FAM107B: variants seen among roughly 807,000 people sequenced by gnomAD.
FAM107B encodes protein FAM107B.
FAM107B carries 21 observed loss-of-function variants against 31.5 expected under a neutral mutation model. The ratio of observed to expected loss-of-function variants is 0.67; its 90% CI spans 0.47 to 0.96. The LOEUF is 0.96. Ranked by LOEUF, FAM107B falls within the 40% of genes least tolerant of loss-of-function variation. The pLI is 0.00. For synonymous variants in FAM107B, 157 were observed against 141.5 expected, an observed-to-expected ratio of 1.11 and a Z score of -0.78; for missense variants, 452 against 377.1, an observed-to-expected ratio of 1.20 and a Z score of -1.64.
chr10:14,604,120 C>CCCCCCCCCCGCCCCCCCCCCCCCCCG, intron 2 of FAM107B: 3 of 502,666 alleles, frequency 6.0e-6, no homozygotes, highest in Non-Finnish European at 7.6e-6. Flanking sequence ...GGGGACCCCC[C>CCCCCCCCCCGCCCCCCCCCCCCCCCG]ACCCGCCCGG....
intron 2 of FAM107B, among the ~76,000 whole-genome samples, chr10:14,564,983 T>G (rs1850542194): frequency 6.6e-6 from 1 of 152,152 alleles, no homozygotes; most frequent in Admixed American, 6.5e-5. Context: ...TACTTGGAAG[T>G]CTGAGGCAGG....
At chr10:14,768,829 C>T (rs1242997202) in intron 1 of FAM107B, among the ~76,000 whole-genome samples, 2 of 152,198 alleles carry the variant, frequency 1.3e-5, no homozygotes, top group Admixed American at 1.3e-4. Context: ...CATTAGTGCT[C>T]AAAGCTTACA....
At chr10:14,606,711 C>G (rs966332780) in intron 2 of FAM107B, among the ~76,000 whole-genome samples, 4 of 152,118 alleles carry the variant, frequency 2.6e-5, no homozygotes, top group African/African-American at 9.7e-5. Flanking sequence ...CTCCCTCCTT[C>G]CCCTCTGTCC....
chr10:14,684,327 C>G (rs1854921173), intron 1 of FAM107B, among the ~76,000 whole-genome samples: 1 of 152,168 alleles, frequency 6.6e-6, no homozygotes, highest in African/African-American at 2.4e-5. Context: ...TGGTGCACAC[C>G]TGTAGTCCCA....
intron 1 of FAM107B, among the ~76,000 whole-genome samples, chr10:14,756,561 G>A (rs1832934809): frequency 6.6e-6 from 1 of 152,228 alleles, no homozygotes; most frequent in Non-Finnish European, 1.5e-5. Context: ...ATCCACTGAT[G>A]GTGGGTGTGT....
In FAM107B at chr10:14,607,594, C is replaced by A. The variant is rs535915110; in HGVS notation, c.469+60040G>T. On this transcript the variant is annotated intron_variant, in intron 2 of 4. Transcript: ENST00000181796. ...AGGGTTATAACAGGCAACACCAGAC[C>A]CTCAGCCCGAGTCTGATATACTGTA... Among the ~76,000 whole-genome samples, 9 of 152,218 alleles carry A rather than the reference C, an allele frequency of 5.9e-5. No individual in the cohort carries two copies. The South Asian group carries it at 1.7e-3, about 28-fold the overall frequency.
At chr10:14,530,665 G>A (rs182758238) in intron 2 of FAM107B, 150 bp from the exon 3 acceptor site, 62 of 691,974 alleles carry the variant, frequency 9.0e-5, no homozygotes, top group Admixed American at 2.5e-4. Context: ...ATTCTAAAGC[G>A]CTTGGAATGT....
At chr10:14,597,203 C>T (rs1431365390) in intron 2 of FAM107B, among the ~76,000 whole-genome samples, 2 of 152,216 alleles carry the variant, frequency 1.3e-5, no homozygotes, top group African/African-American at 2.4e-5. Context: ...TCTCAACTTC[C>T]TCCAGGACAT....
At chr10:14,597,216 G>A (rs531949572) in intron 2 of FAM107B, among the ~76,000 whole-genome samples, 1 of 152,262 alleles carries the variant, frequency 6.6e-6, no homozygotes, top group East Asian at 1.9e-4. Context: ...CAGGACATGG[G>A]AATTTTGATA....
intron 1 of FAM107B, among the ~76,000 whole-genome samples, chr10:14,762,790 ACACAC>A (rs1319125351): frequency 8.4e-4 from 127 of 151,044 alleles, no homozygotes; most frequent in African/African-American, 3.0e-3. Flanking sequence ...ACACACACAC[ACACAC>A]ACACACAAAA....
intron 2 of FAM107B, among the ~76,000 whole-genome samples, chr10:14,649,534 C>G (rs138243613): frequency 1.9e-3 from 295 of 152,270 alleles, no homozygotes; most frequent in African/African-American, 6.5e-3. Flanking sequence ...TATCTTAACC[C>G]AGACACTCCC....
chr10:14,647,237 A>G (rs10906728), intron 2 of FAM107B, among the ~76,000 whole-genome samples: 35,800 of 152,124 alleles, frequency 0.24, 4,615 homozygotes, highest in East Asian at 0.45. Flanking sequence ...AATATTTTAA[A>G]AGGTACAGAC....
intron 1 of FAM107B, among the ~76,000 whole-genome samples, chr10:14,739,182 C>T (rs549117171): frequency 9.8e-5 from 15 of 152,300 alleles, no homozygotes; most frequent in African/African-American, 2.9e-4. Context: ...CATCCCATTA[C>T]GTAAAGTGAT....
At chr10:14,552,071 T>G (rs1454821721) in intron 2 of FAM107B, among the ~76,000 whole-genome samples, 1 of 152,178 alleles carries the variant, frequency 6.6e-6, no homozygotes, top group Non-Finnish European at 1.5e-5. Flanking sequence ...AATGACAGCC[T>G]TAGAGAAACA....
intron 2 of FAM107B, among the ~76,000 whole-genome samples, chr10:14,611,486 A>T (rs1022997): frequency 6.2e-3 from 6 of 966 alleles, no homozygotes; most frequent in South Asian, 0.038. Flanking sequence ...TGCCAGTTTT[A>T]TATATATATA....
chr10:14,745,491 G>T (rs1294063802), intron 1 of FAM107B, among the ~76,000 whole-genome samples: 2 of 151,990 alleles, frequency 1.3e-5, no homozygotes, highest in African/African-American at 4.8e-5. Context: ...AGAAATTCTG[G>T]TATATTGTCT....
intron 2 of FAM107B, among the ~76,000 whole-genome samples, chr10:14,662,304 G>C (rs1400652511): frequency 1.3e-5 from 2 of 151,860 alleles, no homozygotes; most frequent in East Asian, 3.9e-4. Context: ...CTATGCTCAG[G>C]TGGAGAAAGT....
chr10:14,685,981 A>T (rs1854974889), intron 1 of FAM107B, among the ~76,000 whole-genome samples: 1 of 152,152 alleles, frequency 6.6e-6, no homozygotes, highest in African/African-American at 2.4e-5. Flanking sequence ...TAAAACCATC[A>T]GATCTTGTGG....
chr10:14,675,220 T>A (rs778786574), intron 1 of FAM107B, among the ~76,000 whole-genome samples: 1 of 152,172 alleles, frequency 6.6e-6, no homozygotes, highest in Non-Finnish European at 1.5e-5. Context: ...ATCCTCTCCA[T>A]GGGAATAAGC....
Sources: gnomAD v4.1 joint callset for allele counts (sites outside exome capture counted in the v4.1 genomes callset) on GRCh38, gnomAD v4.1.1 for gene constraint, MANE v1.5 for transcripts, NCBI Gene and HGNC (gene_info 2026-07-23, HGNC 2026-07-21) for gene names.